The following CCNH variants were observed in gnomAD, a reference collection of about 807,000 sequenced individuals.
CCNH encodes cyclin-H.
Under a neutral mutation model 41.9 loss-of-function variants are expected in CCNH, and 31 were observed. The observed-to-expected ratio is 0.74, with a 90% CI of 0.56 to 1.00. The LOEUF is 1.00. Ranked by LOEUF, CCNH falls within the 50% of genes least tolerant of loss-of-function variation. The probability of loss-of-function intolerance (pLI) is 0.00; values close to 1 mark genes in which losing one functional copy is unlikely to be tolerated. For synonymous variants in CCNH, 138 were observed against 136.1 expected (o/e 1.01, Z -0.10); for missense variants, 362 against 388.4 (o/e 0.93, Z 0.57).
chr5:87,408,403 C>A (rs752683737), intron 3 of CCNH, among the ~76,000 whole-genome samples: 6 of 152,280 alleles, frequency 3.9e-5, no homozygotes, highest in Admixed American at 6.5e-5. Flanking sequence ...AAAATTAGGT[C>A]AAACCAATAT....
intron 7 of CCNH, among the ~76,000 whole-genome samples, chr5:87,397,212 G>A (rs1380298199): frequency 1.3e-5 from 2 of 151,846 alleles, no homozygotes; most frequent in African/African-American, 2.4e-5. Context: ...GCCCAGGCTG[G>A]AGTGCAATGG....
At chr5:87,374,977 C>G, downstream of CCNH, 1 of 1,541,292 alleles carries the variant, frequency 6.5e-7, no homozygotes, top group Non-Finnish European at 8.7e-7. Context: ...TTTCAAAATT[C>G]ACAATGAAAG....
chr5:87,386,829 C>T, downstream of CCNH: 2 of 1,612,224 alleles, frequency 1.2e-6, no homozygotes, highest in Non-Finnish European at 8.5e-7. Flanking sequence ...TTTTCAGGAG[C>T]CCTACATGGA....
downstream of CCNH, among the ~76,000 whole-genome samples, chr5:87,373,340 G>A (rs183360650): frequency 7.2e-5 from 11 of 151,996 alleles, no homozygotes; most frequent in South Asian, 1.7e-3. Context: ...GATGATTTAC[G>A]GCATACAGGG....
At chr5:87,405,893 G>A (rs569887075) in intron 4 of CCNH, among the ~76,000 whole-genome samples, 2 of 152,018 alleles carry the variant, frequency 1.3e-5, no homozygotes, top group Admixed American at 6.6e-5. Context: ...GATTTCTGAG[G>A]GCTGCCAGAG....
At chr5:87,346,017 T>G (rs899559447) in intron 9 of CCNH, among the ~76,000 whole-genome samples, 1 of 152,146 alleles carries the variant, frequency 6.6e-6, no homozygotes. Context: ...ACTTAGGTTA[T>G]TGTATGCTCT....
At chr5:87,316,805 T>A (rs1197261344), downstream of CCNH, among the ~76,000 whole-genome samples, 1 of 152,176 alleles carries the variant, frequency 6.6e-6, no homozygotes, top group Non-Finnish European at 1.5e-5. Context: ...AAAAAGAGCT[T>A]TGGAAATTAA....
intron 4 of CCNH, among the ~76,000 whole-genome samples, chr5:87,407,605 G>A (rs374530655): frequency 7.2e-5 from 11 of 152,016 alleles, no homozygotes; most frequent in Non-Finnish European, 7.4e-5. Context: ...TTTAAATCAG[G>A]CCCAGATCCA....
chr5:87,342,247 C>T (rs1277010587), intron 9 of CCNH, among the ~76,000 whole-genome samples: 2 of 151,704 alleles, frequency 1.3e-5, no homozygotes, highest in South Asian at 2.1e-4. Context: ...GCAACCCCTG[C>T]CTCCTGGATT....
intron 5 of CCNH, among the ~76,000 whole-genome samples, chr5:87,404,173 T>C (rs1226682030): frequency 6.6e-6 from 1 of 152,198 alleles, no homozygotes; most frequent in African/African-American, 2.4e-5. Context: ...AATACCCAAG[T>C]GATGTCTGTA....
At chr5:87,372,039 G>GAAAA (rs35014912), downstream of CCNH, 440 of 1,020,210 alleles carry the variant, frequency 4.3e-4, no homozygotes, top group Non-Finnish European at 5.4e-4. Context: ...TGTTGAATTT[G>GAAAA]AAAAAAAAAA....
chr5:87,362,799 C>T (rs1760214382), intron 9 of CCNH: 2 of 1,058,758 alleles, frequency 1.9e-6, no homozygotes, highest in Non-Finnish European at 2.8e-6. Context: ...TGTTTAGAGC[C>T]CATATATAAG....
chr5:87,407,114 G>A (rs911636583), intron 4 of CCNH, among the ~76,000 whole-genome samples: 1 of 152,048 alleles, frequency 6.6e-6, no homozygotes, highest in Non-Finnish European at 1.5e-5. Context: ...CTTTTTACCA[G>A]GGAAGTCTCT....
At chr5:87,324,609 G>T (rs572632451) in intron 9 of CCNH, among the ~76,000 whole-genome samples, 28 of 152,192 alleles carry the variant, frequency 1.8e-4, no homozygotes, top group Non-Finnish European at 2.9e-4. Flanking sequence ...CCCTTACTTT[G>T]AACTAACTTG....
downstream of CCNH, chr5:87,389,284 T>C (rs1197305396): frequency 7.0e-7 from 1 of 1,421,426 alleles, no homozygotes; most frequent in Non-Finnish European, 9.8e-7. Context: ...TGAGCCGAGA[T>C]CATGCCATTG....
At chr5:87,391,113 A>G (rs77046520), downstream of CCNH, 1 of 617,076 alleles carries the variant, frequency 1.6e-6, no homozygotes, top group African/African-American at 1.8e-5. Flanking sequence ...ATCAATCTTT[A>G]ACAACCTCTG....
At chr5:87,344,629 G>T (rs774544080) in intron 9 of CCNH, among the ~76,000 whole-genome samples, 10 of 151,276 alleles carry the variant, frequency 6.6e-5, no homozygotes, top group Admixed American at 3.3e-4. Context: ...TGAGCCTCCC[G>T]AGTAGCTGAG....
At chr5:87,316,337 A>G (rs955500970), downstream of CCNH, among the ~76,000 whole-genome samples, 9 of 152,208 alleles carry the variant, frequency 5.9e-5, no homozygotes, top group African/African-American at 1.7e-4. Context: ...AAAAATGGGA[A>G]AAATAGCTGC....
chr5:87,360,169 A>T (rs1309869459), intron 9 of CCNH, among the ~76,000 whole-genome samples: 1 of 138,934 alleles, frequency 7.2e-6, no homozygotes, highest in Non-Finnish European at 1.5e-5. Context: ...TTTTTTGCTC[A>T]GGCTTGGAGT....
Sources: gnomAD v4.1 joint callset for allele counts (sites outside exome capture counted in the v4.1 genomes callset) on GRCh38, gnomAD v4.1.1 for gene constraint, MANE v1.5 for transcripts, NCBI Gene and HGNC (gene_info 2026-07-23, HGNC 2026-07-21) for gene names.